The following CDC42BPA variants were observed in gnomAD, a reference collection of about 807,000 sequenced individuals.
CDC42BPA encodes the protein serine/threonine-protein kinase MRCK alpha.
A neutral mutation model predicts 223.5 loss-of-function variants in CDC42BPA; 80 were observed. The ratio of observed to expected loss-of-function variants is 0.36; its 90% confidence interval spans 0.30 to 0.43. CDC42BPA has a LOEUF of 0.43. Ranked by LOEUF, CDC42BPA falls within the 20% of genes least tolerant of loss-of-function variation. The pLI is 1.00. For missense variants in CDC42BPA, 1,743 were observed against 2,099.9 expected, an observed-to-expected ratio of 0.83 and a Z score of 3.32; for synonymous variants, 694 against 718.6, an observed-to-expected ratio of 0.97 and a Z score of 0.55.
intron 15 of CDC42BPA, among the ~76,000 whole-genome samples, chr1:227,092,454 A>C (rs1294207969): frequency 6.6e-6 from 1 of 152,216 alleles, no homozygotes; most frequent in Non-Finnish European, 1.5e-5. Flanking sequence ...ATGGACCAAA[A>C]TGAAAATAAT....
At chr1:227,253,701 A>AG (rs949142477) in intron 2 of CDC42BPA, among the ~76,000 whole-genome samples, 2 of 152,112 alleles carry the variant, frequency 1.3e-5, no homozygotes, top group Non-Finnish European at 2.9e-5. Flanking sequence ...GAGATGGGAG[A>AG]GGGGGAGAAA....
chr1:227,125,222 C>T (rs1689346484), intron 11 of CDC42BPA, among the ~76,000 whole-genome samples: 1 of 151,776 alleles, frequency 6.6e-6, no homozygotes, highest in African/African-American at 2.4e-5. Flanking sequence ...AAACTGGCCC[C>T]ATGTCACCAA....
intron 12 of CDC42BPA, among the ~76,000 whole-genome samples, chr1:227,116,189 T>C (rs746048436): frequency 2.6e-5 from 4 of 152,210 alleles, no homozygotes; most frequent in Non-Finnish European, 5.9e-5. Context: ...ACATAAATGT[T>C]ATCTATACTA....
intron 17 of CDC42BPA, among the ~76,000 whole-genome samples, chr1:227,074,657 A>T (rs910054518): frequency 3.9e-5 from 6 of 152,204 alleles, no homozygotes; most frequent in Non-Finnish European, 5.9e-5. Flanking sequence ...CACTCTTTAA[A>T]TCTAACAATT....
chr1:227,266,317 C>G (rs954233057), intron 1 of CDC42BPA, among the ~76,000 whole-genome samples: 2 of 152,074 alleles, frequency 1.3e-5, no homozygotes, highest in Non-Finnish European at 2.9e-5. Context: ...CGAATGCTCT[C>G]TCTCTACTCT....
At chr1:227,216,818 G>C (rs1441797331) in intron 2 of CDC42BPA, among the ~76,000 whole-genome samples, 1 of 152,076 alleles carries the variant, frequency 6.6e-6, no homozygotes, top group African/African-American at 2.4e-5. Context: ...ACAGAACAAA[G>C]ATATATTTTT....
intron 5 of CDC42BPA, among the ~76,000 whole-genome samples, chr1:227,192,463 A>C (rs1393941832): frequency 6.6e-6 from 1 of 152,194 alleles, no homozygotes; most frequent in East Asian, 1.9e-4. Flanking sequence ...CATAGGATTC[A>C]GATGCATGCC....
chr1:227,005,079 G>T lies in CDC42BPA; in HGVS notation c.4890C>A (p.Phe1630Leu). 6.2e-7 allele frequency: 1 copy of T among 1,614,074 alleles called. No homozygotes were observed. Among genetic ancestry groups the T allele is most frequent in the East Asian group, 2.2e-5 (1 of 44,882 alleles). ...NPRPQESRTV[F>L]SGSVSIPSIT... ...TAGATGGAATACTGACTGAGCCACTGAATACTGTCCGACTTTCCTGAGGCC... is the reference window on the plus strand; with the variant it reads ...TAGATGGAATACTGACTGAGCCACTTAATACTGTCCGACTTTCCTGAGGCC... The change falls in exon 35 of 37, where the codon TTC becomes TTA. Residue 1630 changes from phenylalanine to leucine, a missense_variant. Coordinates refer to ENST00000366766, the MANE Select transcript of CDC42BPA (RefSeq NM_001394014.1).
chr1:227,121,164 T>C (rs1286685260), intron 11 of CDC42BPA, among the ~76,000 whole-genome samples: 1 of 152,150 alleles, frequency 6.6e-6, no homozygotes, highest in Non-Finnish European at 1.5e-5. Flanking sequence ...ACAAGTGACA[T>C]GAGCATCCCC....
At chr1:227,195,537 T>C (rs1670530472) in intron 4 of CDC42BPA, among the ~76,000 whole-genome samples, 1 of 152,180 alleles carries the variant, frequency 6.6e-6, no homozygotes, top group African/African-American at 2.4e-5. Context: ...TGAAGACTAT[T>C]TTCTTATAGA....
chr1:227,008,101 C>A (rs1000338710), intron 34 of CDC42BPA, among the ~76,000 whole-genome samples: 1 of 152,146 alleles, frequency 6.6e-6, no homozygotes, highest in African/African-American at 2.4e-5. Flanking sequence ...TACAACAACA[C>A]TAAACTCTCC....
At position 227,197,303 on chromosome 1, in the gene CDC42BPA, A is replaced by T. The variant is rs998419513; in HGVS notation, c.450+2254T>A. The stretch of plus-strand genomic sequence containing the variant: ...TTTGCTAATATTGTATAAATGTTCA[A>T]AAGGCAACCTTTGATGATAACCAAG... On this transcript the variant is annotated intron_variant, in intron 4 of 36. Transcript: ENST00000366766. Among the ~76,000 whole-genome samples the T allele has an allele frequency of 1.5e-4, 23 of 152,248 alleles. No homozygotes were observed. The East Asian group carries it at 3.7e-3, about 24-fold the overall frequency.
At chr1:227,211,927 T>C (rs1185571394) in intron 3 of CDC42BPA, among the ~76,000 whole-genome samples, 2 of 151,994 alleles carry the variant, frequency 1.3e-5, no homozygotes, top group African/African-American at 2.4e-5. Context: ...ACAAAAAAAA[T>C]GTTTAATGAA....
intron 2 of CDC42BPA, 59 bp from the exon 3 acceptor site, chr1:227,213,278 T>A: frequency 1.1e-6 from 1 of 884,794 alleles, no homozygotes; most frequent in Non-Finnish European, 1.7e-6. Context: ...TTTTCAGCCA[T>A]CCATTTTCCT....
rs1366359685 is a variant in CDC42BPA at position 227,030,455 on chromosome 1, G to A, written c.3791C>T (p.Ala1264Val). The change falls in exon 29 of 37, where the codon GCT becomes GTT. Residue 1264 changes from alanine to valine, a missense_variant. Coordinates refer to ENST00000366766, the MANE Select transcript of CDC42BPA (RefSeq NM_001394014.1). Reference protein sequence around the residue: ...AAAIIDHERIALGNEEGLFVV... With the variant: ...AAAIIDHERIVLGNEEGLFVV... ...AAATAACCCTTCTTCGTTTCCCAAA[G>A]CAATTCTTTCATGATCTATGTAAGA... 6.3e-7 allele frequency: 1 copy of A among 1,598,564 alleles called. No individual in the cohort carries two copies. Among genetic ancestry groups the A allele is most frequent in the Non-Finnish European group, 8.5e-7 (1 of 1,172,190 alleles).
At chr1:227,116,681 G>T (rs1687825099) in intron 12 of CDC42BPA, among the ~76,000 whole-genome samples, 1 of 152,190 alleles carries the variant, frequency 6.6e-6, no homozygotes, top group South Asian at 2.1e-4. Flanking sequence ...CTTTAGGAAT[G>T]CAGAGAAACT....
rs184997980 is a variant in CDC42BPA at position 227,197,543 on chromosome 1, A to C, written c.450+2014T>G. On this transcript the variant is annotated intron_variant, in intron 4 of 36. Transcript: ENST00000366766. The stretch of plus-strand genomic sequence containing the variant: ...TTAATCCTAATGTCAAATACGAAGA[A>C]TGCAAATAAAACTAAACAAGAGGAG... Among the ~76,000 whole-genome samples the C allele has an allele frequency of 4.6e-5, 7 of 152,322 alleles. No homozygotes were observed. The East Asian group carries it at 1.3e-3, about 29-fold the overall frequency.
intron 2 of CDC42BPA, among the ~76,000 whole-genome samples, chr1:227,244,500 G>GGC (rs1188925270): frequency 1.3e-5 from 2 of 150,472 alleles, no homozygotes; most frequent in Non-Finnish European, 3.0e-5. Context: ...ATGGTGGGGG[G>GGC]GGGCAATGGG....
rs1660881076 is a variant in CDC42BPA at position 226,992,525 on chromosome 1, C to CA, written c.*1742dup. On this transcript the variant is annotated 3_prime_UTR_variant, in exon 37 of 37. Coordinates refer to ENST00000366766, the MANE Select transcript of CDC42BPA (RefSeq NM_001394014.1). ...CCGCAGGCCAGCATGGTGGCCACCT[C>CA]AGTGACACGCAGGTCACCTCAGTGA... is the stretch of plus-strand genomic sequence containing the variant. 1 of 152,336 alleles carries CA rather than the reference C, an allele frequency of 6.6e-6. No individual in the cohort carries two copies. The highest frequency in any genetic ancestry group is 2.1e-4 in the South Asian group (1 of 4,832). The allele number at this position is 152,336 out of a possible 1,614,324, so 9.4% of individuals were successfully genotyped here. A position where few individuals can be genotyped will look rare whatever the true frequency, so the allele number is the denominator to read the frequency against.
Sources: allele counts gnomAD v4.1 joint callset (sites outside exome capture counted in the v4.1 genomes callset), GRCh38; gene constraint gnomAD v4.1.1; transcripts MANE v1.5; gene names NCBI Gene and HGNC (gene_info 2026-07-23, HGNC 2026-07-21).